ANKIB1: variants seen among roughly 807,000 people sequenced by gnomAD.
The protein encoded by ANKIB1 is ankyrin repeat and IBR domain-containing protein 1.
A neutral mutation model predicts 122.1 loss-of-function variants in ANKIB1; 43 were observed. The ratio of observed to expected loss-of-function variants is 0.35; its 90% CI spans 0.28 to 0.45. The LOEUF (loss-of-function observed/expected upper bound fraction) is 0.45. Among genes scored for constraint, ANKIB1 ranks in the 20% least tolerant of loss-of-function variants. The pLI, the probability that ANKIB1 is intolerant of heterozygous loss-of-function variation, is 1.00. For missense variants in ANKIB1, 992 were observed against 1,329.5 expected (o/e 0.75, Z 3.95); for synonymous variants, 390 against 442.0 (o/e 0.88, Z 1.48).
At chr7:92,380,604 C>T (rs1804491108) in intron 11 of ANKIB1, among the ~76,000 whole-genome samples, 2 of 152,184 alleles carry the variant, frequency 1.3e-5, no homozygotes, top group South Asian at 4.1e-4. Context: ...GCTGGTGACA[C>T]CCAGGCAAAT....
chr7:92,271,653 G>A (rs1293920744), intron 1 of ANKIB1, among the ~76,000 whole-genome samples: 1 of 152,072 alleles, frequency 6.6e-6, no homozygotes. Flanking sequence ...GGATATTATA[G>A]GAAAAGGAGC....
chr7:92,312,755 A>G (rs987810260), intron 3 of ANKIB1, among the ~76,000 whole-genome samples: 44 of 152,198 alleles, frequency 2.9e-4, no homozygotes, highest in African/African-American at 9.9e-4. Context: ...AACAGGTCCT[A>G]TAAGCTTCAG....
intron 1 of ANKIB1, among the ~76,000 whole-genome samples, chr7:92,252,024 T>G (rs904161571): frequency 1.3e-5 from 2 of 152,116 alleles, no homozygotes; most frequent in Non-Finnish European, 2.9e-5. Flanking sequence ...TCATCCTAGA[T>G]CTATATAATT....
chr7:92,349,479 A>G (rs1159993548), intron 7 of ANKIB1, among the ~76,000 whole-genome samples: 1 of 152,164 alleles, frequency 6.6e-6, no homozygotes, highest in Non-Finnish European at 1.5e-5. Context: ...GAATGAGAGA[A>G]CTAAAGAAAA....
chr7:92,332,751 T>C (rs1803196080), intron 5 of ANKIB1, among the ~76,000 whole-genome samples: 1 of 152,222 alleles, frequency 6.6e-6, no homozygotes, highest in African/African-American at 2.4e-5. Flanking sequence ...CATTCTGTTC[T>C]CTTCCTGGGA....
At chr7:92,267,497 T>C (rs531272025) in intron 1 of ANKIB1, among the ~76,000 whole-genome samples, 1 of 152,360 alleles carries the variant, frequency 6.6e-6, no homozygotes, top group South Asian at 2.1e-4. Flanking sequence ...CTGTGTCTTT[T>C]CATTCATTCT....
intron 1 of ANKIB1, among the ~76,000 whole-genome samples, chr7:92,252,092 G>T (rs1801341059): frequency 6.6e-6 from 1 of 152,062 alleles, no homozygotes; most frequent in Non-Finnish European, 1.5e-5. Context: ...CAGAAATGCT[G>T]CTGTGTGCCC....
intron 1 of ANKIB1, among the ~76,000 whole-genome samples, chr7:92,247,588 T>A (rs1437578507): frequency 6.6e-6 from 1 of 152,226 alleles, no homozygotes; most frequent in East Asian, 1.9e-4. Context: ...CTAGGCGTTT[T>A]TTCTCATTAG....
chr7:92,351,680 T>C (rs1803665814), intron 8 of ANKIB1, among the ~76,000 whole-genome samples: 2 of 151,798 alleles, frequency 1.3e-5, no homozygotes, highest in South Asian at 2.1e-4. Flanking sequence ...CTGAGTCTAA[T>C]ATGTGAACTT....
rs1394330258 is a variant in ANKIB1 at position 92,246,416 on chromosome 7, G to A, written c.-194G>A. On this transcript the variant is annotated 5_prime_UTR_variant, in exon 1 of 20. Coordinates refer to ENST00000265742, the MANE Select transcript of ANKIB1 (RefSeq NM_019004.2). ...ACCGTCCGGGTGGGTGGGGCGGGCTGGGTACCTGAGGTCACCAGCTCGGCT... is the reference window on the plus strand; with the variant it reads ...ACCGTCCGGGTGGGTGGGGCGGGCTAGGTACCTGAGGTCACCAGCTCGGCT... 1.9e-6 allele frequency: 1 copy of A among 513,100 alleles called. No individual in the cohort carries two copies. The highest frequency in any genetic ancestry group is 2.0e-5 in the Admixed American group (1 of 50,932). 31.8% of individuals were successfully genotyped at this position (513,100 alleles called of 1,614,324 possible).
In ANKIB1 at chr7:92,350,939, C is replaced by A; in HGVS notation, c.1086-11C>A. ...CTTGCTCGTTTGATGTGCATTGATC[C>A]ATTTTAATAGGTTTTTGAATCTGAA... On this transcript the variant is annotated splice_polypyrimidine_tract_variant and intron_variant, in intron 7 of 19. Transcript: ENST00000265742. 6.3e-7 allele frequency: 1 copy of A among 1,594,808 alleles called. No individual in the cohort carries two copies. The highest frequency in any genetic ancestry group is 8.5e-7 in the Non-Finnish European group (1 of 1,172,502).
chr7:92,296,522 C>A (rs550110964), intron 2 of ANKIB1, among the ~76,000 whole-genome samples: 2 of 152,272 alleles, frequency 1.3e-5, no homozygotes, highest in East Asian at 3.9e-4. Context: ...TCTTCAAGAT[C>A]CTGTGTGTGC....
intron 3 of ANKIB1, among the ~76,000 whole-genome samples, chr7:92,318,470 G>A (rs1041156421): frequency 6.6e-6 from 1 of 152,122 alleles, no homozygotes; most frequent in Non-Finnish European, 1.5e-5. Context: ...TCATGCCATT[G>A]CACTCCAGTC....
chr7:92,269,167 C>T (rs1801733957), intron 1 of ANKIB1, among the ~76,000 whole-genome samples: 2 of 152,158 alleles, frequency 1.3e-5, no homozygotes, highest in African/African-American at 4.8e-5. Context: ...TTTGTAATAG[C>T]ATGTCTCACC....
intron 17 of ANKIB1, among the ~76,000 whole-genome samples, chr7:92,393,872 A>T (rs574836206): frequency 6.6e-6 from 1 of 152,284 alleles, no homozygotes; most frequent in Admixed American, 6.5e-5. Context: ...CCAAAGTTAT[A>T]TTTTTGAAAA....
chr7:92,280,806 A>G (rs190848682), intron 1 of ANKIB1, among the ~76,000 whole-genome samples: 1 of 152,316 alleles, frequency 6.6e-6, no homozygotes, highest in African/African-American at 2.4e-5. Context: ...GTTTCATATT[A>G]TGAATAATTC....
Position 92,398,394 on chromosome 7 carries a change from C to A in ANKIB1, c.2715C>A (p.Ser905Arg). The A allele has an allele frequency of 6.2e-7, 1 of 1,613,324 alleles. No homozygotes were observed. The highest frequency in any genetic ancestry group is 1.3e-5 in the African/African-American group (1 of 75,028). The change falls in exon 20 of 20, where the codon AGC (serine) becomes AGA (arginine). Residue 905 changes from serine (S) to arginine (R), a missense_variant. By Grantham distance (110) the Ser-to-Arg change is moderately radical (BLOSUM62 -1). Transcript: ENST00000265742. Reference sequence around the variant, plus strand: ...ACTCTGTCCCCAGAAATACAGATAGCCCTCGGGCTGCATTGAGCAGCTCTG... The same window carrying A: ...ACTCTGTCCCCAGAAATACAGATAGACCTCGGGCTGCATTGAGCAGCTCTG... ...RLDSVPRNTD[S>R]PRAALSSSEL...
In ANKIB1 at chr7:92,367,967, G is replaced by A. The variant is rs1020994160; in HGVS notation, c.1487-3510G>A. Among the ~76,000 whole-genome samples the A allele has an allele frequency of 2.6e-5, 4 of 152,080 alleles. No homozygotes were observed. The East Asian group carries it at 5.8e-4, about 22-fold the overall frequency. ...CGCTCAGAGTTCAAGACAAGCCTGG[G>A]CAACACAGTGAGATCCCACCTCTCC... On this transcript the variant is annotated intron_variant, in intron 10 of 19. Coordinates refer to ENST00000265742, the MANE Select transcript of ANKIB1 (RefSeq NM_019004.2).
At chr7:92,358,278 C>G (rs958269125) in intron 9 of ANKIB1, among the ~76,000 whole-genome samples, 17 of 152,200 alleles carry the variant, frequency 1.1e-4, no homozygotes, top group African/African-American at 4.1e-4. Flanking sequence ...CTTTAATTCA[C>G]AGTCCATGCT....
Sources: gnomAD v4.1 joint callset for allele counts (sites outside exome capture counted in the v4.1 genomes callset) on GRCh38, gnomAD v4.1.1 for gene constraint, MANE v1.5 for transcripts, NCBI Gene and HGNC (gene_info 2026-07-23, HGNC 2026-07-21) for gene names.